Variants in PAX5 observed in about 807,000 individuals in gnomAD.
PAX5 encodes paired box protein Pax-5.
PAX5 carries 9 observed loss-of-function variants against 43.7 expected under a neutral mutation model. The observed-to-expected ratio is 0.21, with a 90% CI of 0.12 to 0.36. The LOEUF is 0.36. Among genes scored for constraint, PAX5 ranks in the 10% least tolerant of loss-of-function variants. The pLI, the probability that PAX5 is intolerant of heterozygous loss-of-function variation, is 1.00. For synonymous variants in PAX5, 228 were observed against 214.3 expected (o/e 1.06, Z -0.56); for missense variants, 383 against 532.7 (o/e 0.72, Z 2.77).
intron 6 of PAX5, among the ~76,000 whole-genome samples, chr9:36,966,181 A>G (rs1406307647): frequency 6.6e-6 from 1 of 152,094 alleles, no homozygotes; most frequent in East Asian, 1.9e-4. Flanking sequence ...CTGGTTACAT[A>G]TTTCCACCAT....
chr9:36,993,454 G>A (rs985533149), intron 5 of PAX5, among the ~76,000 whole-genome samples: 1 of 150,108 alleles, frequency 6.7e-6, no homozygotes, highest in Non-Finnish European at 1.5e-5. Flanking sequence ...GACTTGAGAT[G>A]GAACCAGGAG....
At chr9:36,999,557 C>T (rs1215351322) in intron 5 of PAX5, among the ~76,000 whole-genome samples, 2 of 152,206 alleles carry the variant, frequency 1.3e-5, no homozygotes, top group African/African-American at 4.8e-5. Context: ...TGACTGTGAA[C>T]TAGGCAGCAG....
At chr9:37,028,592 C>T (rs747780247) in intron 1 of PAX5, among the ~76,000 whole-genome samples, 30 of 152,242 alleles carry the variant, frequency 2.0e-4, no homozygotes, top group Non-Finnish European at 3.4e-4. Context: ...CTGCCAGAGG[C>T]TTTGGGAGCT....
intron 5 of PAX5, among the ~76,000 whole-genome samples, chr9:36,969,802 C>T (rs1447072289): frequency 1.3e-5 from 2 of 152,212 alleles, no homozygotes; most frequent in East Asian, 1.9e-4. Flanking sequence ...CCTGCCTCTC[C>T]GGGCATTCAC....
intron 3 of PAX5, among the ~76,000 whole-genome samples, chr9:37,011,388 C>T (rs980410979): frequency 5.3e-5 from 8 of 152,192 alleles, no homozygotes; most frequent in African/African-American, 1.7e-4. Flanking sequence ...ACTGGCCTCA[C>T]GTTCTCACAT....
Position 36,840,189 on chromosome 9 carries a change from AGC to A in PAX5, c.*369_*370del. ...AAGGTATTTACATGGGTGCTGCTGA[AGC>A]AACAAAAGCAAGCTCTCCTTCCCAG... On this transcript the variant is annotated 3_prime_UTR_variant, in exon 10 of 10. Transcript: ENST00000358127. 1 of 441,912 alleles carries A rather than the reference AGC, an allele frequency of 2.3e-6. No homozygotes were observed. The highest frequency in any genetic ancestry group is 6.2e-4 in the Middle Eastern group (1 of 1,616). The allele number at this position is 441,912 out of a possible 1,614,324, so 27.4% of individuals were successfully genotyped here. A position where few individuals can be genotyped will look rare whatever the true frequency, so the allele number is the denominator to read the frequency against.
At chr9:36,984,465 A>T in intron 5 of PAX5, among the ~76,000 whole-genome samples, 1 of 55,138 alleles carries the variant, frequency 1.8e-5, no homozygotes, top group African/African-American at 9.4e-5. Flanking sequence ...TTTGAGATGG[A>T]GTTTCGCTCT....
chr9:37,002,230 G>C (rs1230665728), intron 5 of PAX5, among the ~76,000 whole-genome samples: 1 of 152,192 alleles, frequency 6.6e-6, no homozygotes, highest in African/African-American at 2.4e-5. Context: ...CCGCACGTGT[G>C]CCCCTCTCAC....
intron 3 of PAX5, among the ~76,000 whole-genome samples, chr9:37,010,210 G>A (rs943302971): frequency 4.6e-5 from 7 of 152,210 alleles, no homozygotes; most frequent in South Asian, 4.1e-4. Context: ...TGAGTTGGCA[G>A]TCACACCAAA....
At chr9:36,953,717 T>C (rs1335390675) in intron 6 of PAX5, among the ~76,000 whole-genome samples, 1 of 152,238 alleles carries the variant, frequency 6.6e-6, no homozygotes, top group East Asian at 1.9e-4. Context: ...TACTCATCCA[T>C]TCATGTATGT....
intron 6 of PAX5, among the ~76,000 whole-genome samples, chr9:36,959,076 C>T (rs1833739767): frequency 6.6e-6 from 1 of 152,244 alleles, no homozygotes; most frequent in Admixed American, 6.5e-5. Context: ...TGCAGACTGA[C>T]CCTCTTTGTC....
intron 6 of PAX5, among the ~76,000 whole-genome samples, chr9:36,949,845 G>C (rs1427198918): frequency 3.3e-5 from 5 of 152,124 alleles, no homozygotes; most frequent in Non-Finnish European, 7.4e-5. Flanking sequence ...CACATTATCT[G>C]CCCAAGCCAA....
intron 8 of PAX5, among the ~76,000 whole-genome samples, chr9:36,849,879 C>T (rs548685885): frequency 3.2e-4 from 48 of 152,334 alleles, no homozygotes; most frequent in African/African-American, 1.1e-3. Flanking sequence ...GGTTCAGCCA[C>T]CTGCTGGGGA....
At chr9:36,850,220 C>A (rs972486229) in intron 8 of PAX5, among the ~76,000 whole-genome samples, 5 of 152,188 alleles carry the variant, frequency 3.3e-5, no homozygotes, top group African/African-American at 1.2e-4. Context: ...GAGTGTAATG[C>A]TTTTCTCTCA....
chr9:36,937,461 C>A (rs766867283), intron 6 of PAX5, among the ~76,000 whole-genome samples: 30 of 152,134 alleles, frequency 2.0e-4, no homozygotes, highest in African/African-American at 6.8e-4. Flanking sequence ...GTTGCAGAGC[C>A]GGGGGTTAAA....
At chr9:37,008,090 C>G (rs1212532602) in intron 3 of PAX5, 1 of 152,200 alleles carries the variant, frequency 6.6e-6, no homozygotes. Context: ...GACGAAGTCT[C>G]TCTCTGTCAC....
chr9:36,971,118 G>A (rs1207372172), intron 5 of PAX5, among the ~76,000 whole-genome samples: 2 of 152,180 alleles, frequency 1.3e-5, no homozygotes, highest in Non-Finnish European at 2.9e-5. Context: ...CACAGTGATG[G>A]GCAAAAGCTG....
intron 9 of PAX5, among the ~76,000 whole-genome samples, chr9:36,841,813 C>A (rs1563878303): frequency 6.6e-6 from 1 of 152,236 alleles, no homozygotes; most frequent in African/African-American, 2.4e-5. Flanking sequence ...CAAACGCCAG[C>A]CTGACACAGG....
At chr9:36,958,191 C>T (rs936989841) in intron 6 of PAX5, among the ~76,000 whole-genome samples, 5 of 152,150 alleles carry the variant, frequency 3.3e-5, no homozygotes, top group Admixed American at 6.5e-5. Flanking sequence ...AAGCTCTATA[C>T]AACCTACTGC....
Sources: allele counts gnomAD v4.1 joint callset (sites outside exome capture counted in the v4.1 genomes callset), GRCh38; gene constraint gnomAD v4.1.1; transcripts MANE v1.5; gene names NCBI Gene and HGNC (gene_info 2026-07-23, HGNC 2026-07-21).